Variants in CASP2 observed in about 807,000 individuals in gnomAD.
CASP2 encodes caspase 2.
Under a neutral mutation model 54.4 loss-of-function variants are expected in CASP2, and 38 were observed. The observed-to-expected ratio is 0.70, with a 90% CI of 0.54 to 0.92. CASP2 has a LOEUF of 0.92. Ranked by LOEUF, CASP2 falls within the 40% of genes least tolerant of loss-of-function variation. The pLI is 0.00. For missense variants in CASP2, 512 were observed against 579.6 expected (o/e 0.88, Z 1.20); for synonymous variants, 215 against 216.3 (o/e 0.99, Z 0.05).
intron 8 of CASP2, chr7:143,302,568 G>GTAA (rs984120278): frequency 6.6e-6 from 1 of 152,176 alleles, no homozygotes; most frequent in African/African-American, 2.4e-5. Context: ...AGGCCTTAAA[G>GTAA]TAAGACAGTG....
chr7:143,299,689 T>G (rs1226626597), intron 6 of CASP2, among the ~76,000 whole-genome samples: 1 of 152,194 alleles, frequency 6.6e-6, no homozygotes, highest in Non-Finnish European at 1.5e-5. Flanking sequence ...TTTGCCTATC[T>G]CAGTGAGTCT....
Position 143,304,931 on chromosome 7 carries a change from C to T in CASP2, c.1228-9C>T, listed in dbSNP as rs758568050. 3.7e-6 allele frequency: 6 copies of T among 1,614,198 alleles called. No individual in the cohort carries two copies. The South Asian group carries it at 5.5e-5, about 15-fold the overall frequency. Reference sequence around the variant, plus strand: ...CTCAGACTTGGGCCTATTGGTTCTGCCCCTCCAGGTGAACGCACTTATCAA... The same window carrying T: ...CTCAGACTTGGGCCTATTGGTTCTGTCCCTCCAGGTGAACGCACTTATCAA... On this transcript the variant is annotated splice_polypyrimidine_tract_variant and intron_variant, in intron 10 of 10. Coordinates refer to ENST00000310447, the MANE Select transcript of CASP2 (RefSeq NM_032982.4).
chr7:143,299,988 C>G lies in CASP2; in HGVS notation c.813C>G (p.Ile271Met). 1 of 1,614,072 alleles carries G rather than the reference C, an allele frequency of 6.2e-7. No homozygotes were observed. Among genetic ancestry groups the G allele is most frequent in the Non-Finnish European group, 8.5e-7 (1 of 1,179,966 alleles). Residue 271 changes from isoleucine (I) to methionine (M), a missense_variant, in exon 7 of 11, where the codon ATC becomes ATG. Physicochemically the swap from Ile to Met is conservative, Grantham distance 10. Transcript: ENST00000310447. ...CACACCGAGTCACGGACTCCTGCAT[C>G]GTGGCACTCCTCTCGCATGGTGTGG... The part of the protein sequence containing the change: ...LPAHRVTDSC[I>M]VALLSHGVEG...
chr7:143,296,615 A>G (rs553347676), intron 6 of CASP2, among the ~76,000 whole-genome samples: 14 of 152,218 alleles, frequency 9.2e-5, no homozygotes, highest in African/African-American at 3.4e-4. Flanking sequence ...GGTAGTTGCA[A>G]TGGGTGTCAT....
chr7:143,299,266 T>G (rs866202082), intron 6 of CASP2, among the ~76,000 whole-genome samples: 5 of 152,090 alleles, frequency 3.3e-5, no homozygotes, highest in South Asian at 2.1e-4. Flanking sequence ...GTCTCAAGGG[T>G]CTGAGTAAGC....
intron 6 of CASP2, among the ~76,000 whole-genome samples, chr7:143,297,621 A>G (rs747007468): frequency 2.6e-5 from 4 of 151,412 alleles, no homozygotes; most frequent in Non-Finnish European, 4.4e-5. Flanking sequence ...TAATTTTTGT[A>G]TTTTTAGTAG....
Position 143,292,285 on chromosome 7 carries a change from A to G in CASP2, c.226-15A>G, listed in dbSNP as rs759145923. On this transcript the variant is annotated splice_polypyrimidine_tract_variant and intron_variant, in intron 2 of 10. Coordinates refer to ENST00000310447, the MANE Select transcript of CASP2 (RefSeq NM_032982.4). ...AGAAGTAAATATGATTTCATGTTTT[A>G]TTCTTGTGTCTTAGGCCAAAGTGGG... is the stretch of plus-strand genomic sequence containing the variant. The G allele has an allele frequency of 3.7e-6, 6 of 1,613,260 alleles. No individual in the cohort carries two copies. Among genetic ancestry groups the G allele is most frequent in the Non-Finnish European group, 5.1e-6 (6 of 1,179,300 alleles).
At chr7:143,300,336 G>A (rs1801878407) in intron 8 of CASP2, 42 bp downstream of exon 8, 3 of 1,608,974 alleles carry the variant, frequency 1.9e-6, no homozygotes, top group South Asian at 2.2e-5. Context: ...GTGGCTCCTG[G>A]GCAGCCTCCC....
chr7:143,303,148 TAAA>T (rs956847483), intron 8 of CASP2: 1 of 151,988 alleles, frequency 6.6e-6, no homozygotes, highest in Non-Finnish European at 1.5e-5. Context: ...AAAAATAAAT[TAAA>T]AATTTTTTTT....
intron 1 of CASP2, 133 bp downstream of exon 1, chr7:143,288,662 G>A (rs1801458509): frequency 2.4e-6 from 2 of 847,128 alleles, no homozygotes. Context: ...CCTGCCAAGG[G>A]TGGGACGCCC....
intron 8 of CASP2, 36 bp from the exon 9 acceptor site, chr7:143,303,748 T>A (rs1435901529): frequency 6.2e-7 from 1 of 1,605,960 alleles, no homozygotes; most frequent in Non-Finnish European, 8.5e-7. Context: ...TAGGAAGAAG[T>A]AACATCATTG....
In CASP2 at chr7:143,288,415, C is replaced by T. The variant is rs371891055; in HGVS notation, c.-41C>T. The T allele has an allele frequency of 2.1e-4, 330 of 1,601,644 alleles. No homozygotes were observed. In the African/African-American group the frequency reaches 4.0e-3, roughly 19 times the overall value. On this transcript the variant is annotated 5_prime_UTR_variant, in exon 1 of 11. Transcript: ENST00000310447. ...AGCGACGGCCCCCGGTTTGTTTGGG[C>T]TGTGGGCGGTGCGCAGCGGAGAGCC... is the stretch of plus-strand genomic sequence containing the variant.
At chr7:143,304,575 T>C (rs1802011977) in intron 9 of CASP2, 99 bp from the exon 10 acceptor site, 5 of 851,566 alleles carry the variant, frequency 5.9e-6, no homozygotes, top group Non-Finnish European at 1.0e-5. Flanking sequence ...TGCTGGGTTC[T>C]CTGACTAGGG....
chr7:143,305,054 G>T lies in CASP2; in HGVS notation c.1342G>T (p.Gly448Ter). Residue 448 changes from glycine (G) to a stop codon, truncating the protein, a stop_gained, in exon 11 of 11, where the codon GGA becomes TGA. Transcript: ENST00000310447. LOFTEE classifies it high-confidence loss of function. ...GTGCCGCCACCTCTACCTGTTCCCA[G>T]GACACCCTCCCACATGATGTCACCT... Reference protein sequence around the residue: ...TLCRHLYLFPGHPPT With the variant: ...TLCRHLYLFP The T allele has an allele frequency of 5.6e-6, 9 of 1,614,166 alleles. No homozygotes were observed. The highest frequency in any genetic ancestry group is 7.6e-6 in the Non-Finnish European group (9 of 1,180,030).
Position 143,307,621 on chromosome 7 carries a change from G to C in CASP2, c.*2550G>C, listed in dbSNP as rs1164344322. The C allele has an allele frequency of 6.6e-6, 1 of 152,176 alleles. No individual in the cohort carries two copies. Among genetic ancestry groups the C allele is most frequent in the African/African-American group, 2.4e-5 (1 of 41,446 alleles). The allele number at this position is 152,176 out of a possible 1,614,324, so 9.4% of individuals were successfully genotyped here. The stretch of plus-strand genomic sequence containing the variant: ...ACATAGTATGGAAGTATTTGAGAGA[G>C]AGAACCTTTCCACTCCCACTGCCAG... On this transcript the variant is annotated 3_prime_UTR_variant, in exon 11 of 11. Transcript: ENST00000310447.
chr7:143,300,244 C>T lies in CASP2; in HGVS notation c.917C>T (p.Pro306Leu), dbSNP rs1484520713. Reference protein sequence around the residue: ...VFQLFDNANCPSLQNKPKMFF... With the variant: ...VFQLFDNANCLSLQNKPKMFF... ...CAGCTCTTTGACAACGCCAACTGCC[C>T]AAGCCTACAGAACAAACCAAAAATG... is the stretch of plus-strand genomic sequence containing the variant. The change falls in exon 8 of 11, where the codon CCA becomes CTA. Residue 306 changes from proline to leucine, a missense_variant. This residue lies in a region of CASP2 where 417 missense variants were observed against 495.4 expected (regional missense o/e 0.84). Transcript: ENST00000310447. 1.9e-5 allele frequency: 31 copies of T among 1,614,174 alleles called. No individual in the cohort carries two copies. The highest frequency in any genetic ancestry group is 2.5e-5 in the Non-Finnish European group (30 of 1,180,044).
At chr7:143,300,318 C>T (rs1801877664) in intron 8 of CASP2, 24 bp downstream of exon 8, 1 of 1,612,120 alleles carries the variant, frequency 6.2e-7, no homozygotes. Context: ...CAGACCAGCA[C>T]CTGGGTGGTG....
Position 143,300,240 on chromosome 7 carries a change from T to C in CASP2, c.913T>C (p.Cys305Arg). The change falls in exon 8 of 11, where the codon TGC (cysteine) becomes CGC (arginine). Residue 305 changes from cysteine (C) to arginine (R), a missense_variant. Cys to Arg is a radical substitution (Grantham distance 180). Around this residue, in one of 3 missense-constraint regions of CASP2, gnomAD observed 417 missense variants for 495.4 expected, o/e 0.84. Transcript: ENST00000310447. The part of the protein sequence containing the change: ...EVFQLFDNAN[C>R]PSLQNKPKMF... ...TTTTCAGCTCTTTGACAACGCCAAC[T>C]GCCCAAGCCTACAGAACAAACCAAA... is the stretch of plus-strand genomic sequence containing the variant. The C allele has an allele frequency of 6.2e-7, 1 of 1,614,202 alleles. No homozygotes were observed. Among genetic ancestry groups the C allele is most frequent in the Non-Finnish European group, 8.5e-7 (1 of 1,180,046 alleles).
Position 143,303,947 on chromosome 7 carries a change from CAA to C in CASP2, c.1117+17_1117+18del. 1.3e-6 allele frequency: 2 copies of C among 1,570,474 alleles called. No homozygotes were observed. Among genetic ancestry groups the C allele is most frequent in the Non-Finnish European group, 1.7e-6 (2 of 1,157,072 alleles). ...CCTGCCTCAAAGGTACTTTGAGTTC[CAA>C]AAGAGTTGAGTCATACCTCATTTTG... On this transcript the variant is annotated intron_variant, in intron 9 of 10. Transcript: ENST00000310447.
Sources: allele counts gnomAD v4.1 joint callset (sites outside exome capture counted in the v4.1 genomes callset), GRCh38; gene constraint gnomAD v4.1.1; regional missense constraint gnomAD v4.1.1; transcripts MANE v1.5; gene names NCBI Gene and HGNC (gene_info 2026-07-23, HGNC 2026-07-21).